The following MEGF6 variants were observed in gnomAD, a reference collection of about 807,000 sequenced individuals.
MEGF6 encodes multiple EGF like domains 6.
MEGF6 carries 184 observed loss-of-function variants against 207.1 expected under a neutral mutation model. That is an observed-to-expected ratio of 0.89 (90% confidence interval 0.79 to 1.00). The LOEUF (loss-of-function observed/expected upper bound fraction) is 1.00, where lower values mean the gene tolerates loss of function less well. Among genes scored for constraint, MEGF6 ranks in the 50% least tolerant of loss-of-function variants. MEGF6 has a pLI of 0.00. For missense variants in MEGF6, 2,282 were observed against 2,202.9 expected (o/e 1.04, Z -0.72); for synonymous variants, 1,038 against 910.0 (o/e 1.14, Z -2.53).
chr1:3,610,562 C>G (rs1449629841), intron 1 of MEGF6, among the ~76,000 whole-genome samples: 1 of 152,228 alleles, frequency 6.6e-6, no homozygotes, highest in South Asian at 2.1e-4. Context: ...CATGAGAGAC[C>G]GCTAAACGGC....
rs1405803430 is a variant in MEGF6, at chr1:3,494,494, G to T, written c.4006C>A (p.Pro1336Thr). ...CAGGCGGCTCCGTAGCGCCCAGGGGGACAGGCTGGGGACAGGGCAGGGTGG... is the reference window on the plus strand; with the variant it reads ...CAGGCGGCTCCGTAGCGCCCAGGGGTACAGGCTGGGGACAGGGCAGGGTGG... ...WTGRHCELAC[P>T]PGRYGAACHL... Residue 1336 changes from proline to threonine, a missense_variant, in exon 32 of 37, where the codon CCC (proline) becomes ACC (threonine). Physicochemically the swap from Pro to Thr is conservative, Grantham distance 38. Transcript: ENST00000356575. 6.3e-7 allele frequency: 1 copy of T among 1,590,246 alleles called. No homozygotes were observed. The highest frequency in any genetic ancestry group is 8.5e-7 in the Non-Finnish European group (1 of 1,172,028).
At chr1:3,613,816 C>T (rs543718384), upstream of MEGF6, among the ~76,000 whole-genome samples, 8 of 151,360 alleles carry the variant, frequency 5.3e-5, no homozygotes, top group East Asian at 7.8e-4. Context: ...AGAACCCTGC[C>T]GCTGTGCTCT....
chr1:3,497,309 C>G lies in MEGF6; in HGVS notation c.3405G>C (p.Pro1135=). ...TGACGTGGTGGCAGGCAGCGCCAGG[C>G]GGGCAGCTGCAGCGCTGGGCACAGG... ...GEACAQRCSC[P]PGAACHHVTG... Residue 1135 remains proline, a synonymous_variant, in exon 27 of 37, where the codon CCG becomes CCC. Transcript: ENST00000356575. The G allele has an allele frequency of 6.4e-7, 1 of 1,550,778 alleles. No individual in the cohort carries two copies. The highest frequency in any genetic ancestry group is 8.7e-7 in the Non-Finnish European group (1 of 1,152,716).
chr1:3,569,039 C>T (rs527270790), intron 4 of MEGF6, among the ~76,000 whole-genome samples: 4 of 152,324 alleles, frequency 2.6e-5, no homozygotes, highest in South Asian at 2.1e-4. Flanking sequence ...CTGCCCGGTA[C>T]GGGTCTGCCA....
At chr1:3,528,233 A>T (rs1642031706) in intron 4 of MEGF6, among the ~76,000 whole-genome samples, 1 of 152,110 alleles carries the variant, frequency 6.6e-6, no homozygotes, top group Non-Finnish European at 1.5e-5. Flanking sequence ...CTTTGAACTG[A>T]GCAAATCCCC....
chr1:3,535,708 G>A (rs1267971874), intron 4 of MEGF6, among the ~76,000 whole-genome samples: 2 of 152,168 alleles, frequency 1.3e-5, no homozygotes, highest in Non-Finnish European at 2.9e-5. Context: ...ACGGCTCCTG[G>A]GACATTCTCC....
chr1:3,600,838 G>A (rs1644144813), intron 2 of MEGF6, among the ~76,000 whole-genome samples: 2 of 152,208 alleles, frequency 1.3e-5, no homozygotes, highest in South Asian at 4.1e-4. Context: ...AGGGTGGTAA[G>A]AAGCCTCTGG....
At chr1:3,599,819 G>T (rs1644130552) in intron 2 of MEGF6, among the ~76,000 whole-genome samples, 1 of 151,974 alleles carries the variant, frequency 6.6e-6, no homozygotes, top group South Asian at 2.1e-4. Flanking sequence ...TGCCCTGCTG[G>T]GGCTGTTCTG....
At chr1:3,491,079 C>G in intron 35 of MEGF6, 120 bp from the exon 36 acceptor site, 8 of 898,858 alleles carry the variant, frequency 8.9e-6, no homozygotes, top group Non-Finnish European at 1.3e-5. Flanking sequence ...CGCACAGTCT[C>G]CTTCCCTTCT....
intron 3 of MEGF6, among the ~76,000 whole-genome samples, 164 bp downstream of exon 3, chr1:3,595,174 C>G (rs972822403): frequency 6.6e-6 from 1 of 152,254 alleles, no homozygotes; most frequent in Non-Finnish European, 1.5e-5. Flanking sequence ...GCTGACGTCG[C>G]TTTTGCAGCC....
At chr1:3,493,435 G>GA in intron 34 of MEGF6, 1 of 390,950 alleles carries the variant, frequency 2.6e-6, no homozygotes, top group Non-Finnish European at 4.7e-6. Flanking sequence ...GGCTGGAGGG[G>GA]CCACAGCCCC....
rs76429128 is a variant in MEGF6 at position 3,583,102 on chromosome 1, C to A, written c.377-3173G>T. 9.5e-3 allele frequency among the ~76,000 whole-genome samples: 1,444 copies of A among 152,242 alleles called. 22 individuals carry two copies. The highest frequency in any genetic ancestry group is 0.033 in the African/African-American group (1,376 of 41,540). On this transcript the variant is annotated intron_variant, in intron 3 of 36. Coordinates refer to ENST00000356575, the MANE Select transcript of MEGF6 (RefSeq NM_001409.4). ...TGGGGAAAGGGAGGGTGCAAGGGGA[C>A]GGAGGAGGAGGGCTACCCATGGACT...
In MEGF6 at chr1:3,505,572, C is replaced by A; in HGVS notation, c.1919-16G>T. ...GGCGGGCAGGCTGCACCCACAGAACCGTTGAGGGGGGCTCCCGTCTGAAGC... is the reference window on the plus strand; with the variant it reads ...GGCGGGCAGGCTGCACCCACAGAACAGTTGAGGGGGGCTCCCGTCTGAAGC... On this transcript the variant is annotated splice_polypyrimidine_tract_variant and intron_variant, in intron 15 of 36. Coordinates refer to ENST00000356575, the MANE Select transcript of MEGF6 (RefSeq NM_001409.4). The A allele has an allele frequency of 6.4e-7, 1 of 1,551,472 alleles. No individual in the cohort carries two copies. Among genetic ancestry groups the A allele is most frequent in the South Asian group, 1.2e-5 (1 of 84,600 alleles).
Position 3,498,496 on chromosome 1 carries a change from C to T in MEGF6, c.3227G>A (p.Cys1076Tyr). Reference sequence around the variant, plus strand: ...GCCAGCTCTGACGTCCCGGGGGAGGCACTCTACAGGAGCAGAGGCAGGCAC... The same window carrying T: ...GCCAGCTCTGACGTCCCGGGGGAGGTACTCTACAGGAGCAGAGGCAGGCAC... ...GWAGLACEKE[C>Y]LPRDVRAGCR... is the part of the protein sequence containing the mutation. Residue 1076 changes from cysteine (C) to tyrosine (Y), a missense_variant, in exon 26 of 37, where the codon TGC (cysteine) becomes TAC (tyrosine). By Grantham distance (194) the Cys-to-Tyr change is radical. Transcript: ENST00000356575. The T allele has an allele frequency of 1.9e-6, 3 of 1,575,342 alleles. No individual in the cohort carries two copies. Among genetic ancestry groups the T allele is most frequent in the Non-Finnish European group, 2.6e-6 (3 of 1,162,254 alleles).
intron 4 of MEGF6, among the ~76,000 whole-genome samples, chr1:3,564,620 G>A (rs113235815): frequency 0.015 from 2,339 of 152,168 alleles, 46 homozygotes; most frequent in East Asian, 0.048. Flanking sequence ...ATCTCTCCTG[G>A]TGGCCACACA....
chr1:3,590,378 T>G (rs1003591908), intron 3 of MEGF6, among the ~76,000 whole-genome samples: 3 of 127,638 alleles, frequency 2.4e-5, no homozygotes, highest in Non-Finnish European at 5.2e-5. Context: ...ATTCAGAGAA[T>G]CCATGAGCAG....
chr1:3,506,949 G>A (rs1160489202), intron 14 of MEGF6, among the ~76,000 whole-genome samples: 5 of 152,256 alleles, frequency 3.3e-5, no homozygotes, highest in Non-Finnish European at 5.9e-5. Flanking sequence ...ACCCCTCAAC[G>A]CTGCAGGCAG....
At chr1:3,522,310 C>A (rs192060261) in intron 5 of MEGF6, among the ~76,000 whole-genome samples, 3 of 152,148 alleles carry the variant, frequency 2.0e-5, no homozygotes, top group Non-Finnish European at 4.4e-5. Flanking sequence ...GGGCACCAGC[C>A]CTGGAGAAGG....
intron 4 of MEGF6, 53 bp downstream of exon 4, chr1:3,579,772 T>A: frequency 7.6e-7 from 1 of 1,321,250 alleles, no homozygotes; most frequent in Non-Finnish European, 1.0e-6. Flanking sequence ...CCTCGCCCCT[T>A]GCCCACAGGC....
Sources: allele counts gnomAD v4.1 joint callset (sites outside exome capture counted in the v4.1 genomes callset), GRCh38; gene constraint gnomAD v4.1.1; transcripts MANE v1.5; gene names NCBI Gene and HGNC (gene_info 2026-07-23, HGNC 2026-07-21).